PARN: variants seen among roughly 807,000 people sequenced by gnomAD.
The protein encoded by PARN is poly(A)-specific ribonuclease PARN.
Under a neutral mutation model 102.8 loss-of-function variants are expected in PARN, and 71 were observed. The ratio of observed to expected loss-of-function variants is 0.69; its 90% CI spans 0.57 to 0.84. The LOEUF is 0.84. Ranked by LOEUF, PARN falls within the 40% of genes least tolerant of loss-of-function variation. PARN has a pLI of 0.00. For synonymous variants in PARN, 261 were observed against 252.9 expected (o/e 1.03, Z -0.30); for missense variants, 782 against 760.9 (o/e 1.03, Z -0.33).
At chr16:14,624,358 A>G (rs749505222) in intron 5 of PARN, among the ~76,000 whole-genome samples, 1 of 152,228 alleles carries the variant, frequency 6.6e-6, no homozygotes, top group Non-Finnish European at 1.5e-5. Context: ...ACCTTTTCAT[A>G]CAATTCCCAA....
chr16:14,590,634 CAAAAAAAA>C (rs966183881), intron 13 of PARN, among the ~76,000 whole-genome samples: 2 of 63,534 alleles, frequency 3.1e-5, no homozygotes, highest in African/African-American at 1.1e-4. Context: ...GATTCAGTCT[CAAAAAAAA>C]AAAAAAAAAA....
At chr16:14,459,152 C>T (rs1961835400) in intron 22 of PARN, among the ~76,000 whole-genome samples, 1 of 152,140 alleles carries the variant, frequency 6.6e-6, no homozygotes, top group Non-Finnish European at 1.5e-5. Context: ...CAACAATGTA[C>T]TAGAGGTCCT....
In PARN at chr16:14,580,750, C is replaced by A. The variant is rs182379648; in HGVS notation, c.1262+124G>T. 8.9e-6 allele frequency: 5 copies of A among 563,250 alleles called. No homozygotes were observed. The South Asian group carries it at 1.5e-4, about 17-fold the overall frequency. 34.9% of individuals were successfully genotyped at this position (563,250 alleles called of 1,614,324 possible). ...ACTTTCAAAAAACATGTGAGTCACTCGAGATGAAAAACAGCTTATCTAAAA... is the reference window on the plus strand; with the variant it reads ...ACTTTCAAAAAACATGTGAGTCACTAGAGATGAAAAACAGCTTATCTAAAA... On this transcript the variant is annotated intron_variant, in intron 18 of 23. Transcript: ENST00000437198.
chr16:14,456,397 C>T (rs1961680431), intron 22 of PARN, among the ~76,000 whole-genome samples: 1 of 151,984 alleles, frequency 6.6e-6, no homozygotes, highest in South Asian at 2.1e-4. Context: ...TGGTTTTGAA[C>T]TTCTGGGCTC....
intron 18 of PARN, among the ~76,000 whole-genome samples, chr16:14,572,329 G>A (rs1036606667): frequency 7.2e-5 from 11 of 152,040 alleles, no homozygotes; most frequent in African/African-American, 2.7e-4. Flanking sequence ...CGAGAGGGCT[G>A]GGAAGAAATC....
At chr16:14,607,872 C>G (rs533953374) in intron 9 of PARN, among the ~76,000 whole-genome samples, 2 of 152,298 alleles carry the variant, frequency 1.3e-5, no homozygotes, top group East Asian at 3.9e-4. Flanking sequence ...AATACACACA[C>G]AAAAGTCTGG....
At chr16:14,547,966 C>T (rs1967061839) in intron 21 of PARN, among the ~76,000 whole-genome samples, 1 of 152,040 alleles carries the variant, frequency 6.6e-6, no homozygotes, top group Non-Finnish European at 1.5e-5. Context: ...TAATAGGGGC[C>T]GGGCGCGGTG....
chr16:14,443,887 C>T (rs992352176), intron 23 of PARN, among the ~76,000 whole-genome samples: 5 of 152,296 alleles, frequency 3.3e-5, no homozygotes, highest in East Asian at 3.9e-4. Flanking sequence ...TCACACCCAA[C>T]GCCTCAGCAC....
chr16:14,533,681 G>A (rs1966482989), intron 21 of PARN, among the ~76,000 whole-genome samples: 1 of 152,202 alleles, frequency 6.6e-6, no homozygotes, highest in South Asian at 2.1e-4. Flanking sequence ...TATGACCGGA[G>A]GGTGAGCACA....
chr16:14,558,651 A>T (rs1967858877), intron 18 of PARN, among the ~76,000 whole-genome samples: 1 of 152,264 alleles, frequency 6.6e-6, no homozygotes, highest in African/African-American at 2.4e-5. Context: ...TCAGTAAATT[A>T]TAGTTCAAAA....
intron 10 of PARN, among the ~76,000 whole-genome samples, chr16:14,605,953 G>A (rs1449422638): frequency 1.3e-5 from 2 of 152,032 alleles, no homozygotes; most frequent in East Asian, 1.9e-4. Flanking sequence ...ACTTACCCAC[G>A]GTATCACCAT....
At chr16:14,586,258 T>G in intron 14 of PARN, 60 bp downstream of exon 14, 1 of 925,432 alleles carries the variant, frequency 1.1e-6, no homozygotes, top group Non-Finnish European at 1.7e-6. Context: ...ATTATAGGTG[T>G]GAGCCACCGT....
Position 14,446,571 on chromosome 16 carries a change from T to C in PARN, c.1864+317A>G, listed in dbSNP as rs533821991. Among the ~76,000 whole-genome samples, 4 of 152,294 alleles carry C rather than the reference T, an allele frequency of 2.6e-5. No individual in the cohort carries two copies. The East Asian group carries it at 7.7e-4, about 29-fold the overall frequency. ...TGTAGGAGGGGCCTCTGCGCACATT[T>C]AAATGCACATTTTAAATATTGAGGC... On this transcript the variant is annotated intron_variant, in intron 23 of 23. Coordinates refer to ENST00000437198, the MANE Select transcript of PARN (RefSeq NM_002582.4).
intron 21 of PARN, among the ~76,000 whole-genome samples, chr16:14,491,418 T>C (rs1964050598): frequency 6.6e-6 from 1 of 152,004 alleles, no homozygotes; most frequent in Non-Finnish European, 1.5e-5. Context: ...CTGTAGCACC[T>C]AGGGTTTATC....
chr16:14,626,128 T>C (rs1446610984), intron 5 of PARN, among the ~76,000 whole-genome samples: 2 of 152,122 alleles, frequency 1.3e-5, no homozygotes, highest in African/African-American at 4.8e-5. Flanking sequence ...TACCCCCCTT[T>C]CCTAATTAGT....
intron 11 of PARN, among the ~76,000 whole-genome samples, chr16:14,603,197 C>T (rs1017789051): frequency 1.3e-5 from 2 of 152,066 alleles, no homozygotes; most frequent in South Asian, 2.1e-4. Context: ...AGTAGTGCTG[C>T]GATTACAGTC....
chr16:14,498,047 C>G (rs536661178), intron 21 of PARN, among the ~76,000 whole-genome samples: 2 of 147,722 alleles, frequency 1.4e-5, no homozygotes, highest in Non-Finnish European at 3.0e-5. Flanking sequence ...TGGCTTGAAC[C>G]AGGGAGTCGG....
At chr16:14,607,174 T>A (rs1971238164) in intron 9 of PARN, among the ~76,000 whole-genome samples, 1 of 152,156 alleles carries the variant, frequency 6.6e-6, no homozygotes, top group East Asian at 1.9e-4. Flanking sequence ...TAAAAATGTT[T>A]CCTAACTGAA....
At chr16:14,437,669 T>C (rs568036408) in intron 23 of PARN, among the ~76,000 whole-genome samples, 1 of 152,316 alleles carries the variant, frequency 6.6e-6, no homozygotes, top group East Asian at 1.9e-4. Context: ...AGTGGTGCCA[T>C]GCATTAAGTC....
Sources: gnomAD v4.1 joint callset for allele counts (sites outside exome capture counted in the v4.1 genomes callset) on GRCh38, gnomAD v4.1.1 for gene constraint, MANE v1.5 for transcripts, NCBI Gene and HGNC (gene_info 2026-07-23, HGNC 2026-07-21) for gene names.